MEOX1: variants seen among roughly 807,000 people sequenced by gnomAD.
MEOX1 encodes the protein mesenchyme homeobox 1.
MEOX1 carries 17 observed loss-of-function variants against 23.2 expected under a neutral mutation model. The observed-to-expected ratio is 0.73, with a 90% CI of 0.50 to 1.10. The LOEUF (loss-of-function observed/expected upper bound fraction) is 1.10, where lower values mean the gene tolerates loss of function less well. Among genes scored for constraint, MEOX1 ranks in the 50% least tolerant of loss-of-function variants. The pLI, the probability that MEOX1 is intolerant of heterozygous loss-of-function variation, is 0.00. For synonymous variants in MEOX1, 134 were observed against 135.1 expected, an observed-to-expected ratio of 0.99 and a Z score of 0.06; for missense variants, 333 against 332.2, an observed-to-expected ratio of 1.00 and a Z score of -0.02.
chr17:43,658,105 A>C (rs947748023), intron 1 of MEOX1, among the ~76,000 whole-genome samples: 7 of 152,380 alleles, frequency 4.6e-5, no homozygotes, highest in Middle Eastern at 3.4e-3. Context: ...GGCTGGGAAG[A>C]ACTATGGAAA....
Position 43,650,533 on chromosome 17 carries a change from G to A in MEOX1, c.470-6873C>T, listed in dbSNP as rs533341870. Among the ~76,000 whole-genome samples, 3 of 152,288 alleles carry A rather than the reference G, an allele frequency of 2.0e-5. No homozygotes were observed. In the South Asian group the frequency reaches 6.2e-4, roughly 32 times the overall value. ...TATAGCCTCATGTCACGCTGCCCTC[G>A]GGGGAGGATGAGTATGGAGGCTGTG... is the stretch of plus-strand genomic sequence containing the variant. On this transcript the variant is annotated intron_variant, in intron 1 of 2. Coordinates refer to ENST00000318579, the MANE Select transcript of MEOX1 (RefSeq NM_004527.4).
intron 1 of MEOX1, among the ~76,000 whole-genome samples, chr17:43,653,870 G>A (rs1231131924): frequency 1.3e-5 from 2 of 152,118 alleles, no homozygotes; most frequent in Non-Finnish European, 2.9e-5. Flanking sequence ...GGATCTGCTT[G>A]TGGCTAGAAA....
chr17:43,643,708 C>G, intron 1 of MEOX1, 48 bp from the exon 2 acceptor site: 1 of 1,513,426 alleles, frequency 6.6e-7, no homozygotes, highest in Non-Finnish European at 9.0e-7. Context: ...GAGGGAGACT[C>G]CATTCCCTTT....
At chr17:43,657,885 C>T (rs1973068317) in intron 1 of MEOX1, among the ~76,000 whole-genome samples, 1 of 152,188 alleles carries the variant, frequency 6.6e-6, no homozygotes, top group Non-Finnish European at 1.5e-5. Context: ...CCATTTACAG[C>T]TGCTATTTAT....
chr17:43,645,635 G>A (rs545550127), intron 1 of MEOX1, among the ~76,000 whole-genome samples: 5 of 152,334 alleles, frequency 3.3e-5, no homozygotes, highest in African/African-American at 1.2e-4. Flanking sequence ...CCGGGTCTAA[G>A]CTACCTGGGG....
intron 2 of MEOX1, 130 bp downstream of exon 2, chr17:43,643,358 G>A: frequency 1.2e-6 from 1 of 812,516 alleles, no homozygotes. Context: ...TCTCAGGTGT[G>A]GCCACAGTTG....
Position 43,641,715 on chromosome 17 carries a change from T to C in MEOX1, c.*195A>G. On this transcript the variant is annotated 3_prime_UTR_variant, in exon 3 of 3. Coordinates refer to ENST00000318579, the MANE Select transcript of MEOX1 (RefSeq NM_004527.4). ...GGAGCAAAGGCCCTAGGGAAGAGGC[T>C]GCTAAGAGGCTGGACAGAACTTCCT... 1.8e-6 allele frequency: 1 copy of C among 565,240 alleles called. No homozygotes were observed. Among genetic ancestry groups the C allele is most frequent in the South Asian group, 2.4e-5 (1 of 41,784 alleles). The allele number at this position is 565,240 out of a possible 1,614,324, so 35.0% of individuals were successfully genotyped here.
intron 1 of MEOX1, among the ~76,000 whole-genome samples, chr17:43,656,695 C>G (rs769141115): frequency 1.3e-5 from 2 of 152,156 alleles, no homozygotes; most frequent in African/African-American, 2.4e-5. Context: ...GGCGGGCGAT[C>G]GGATTCACCT....
chr17:43,659,786 TCAGTA>T (rs1973105439), intron 1 of MEOX1, among the ~76,000 whole-genome samples: 1 of 152,172 alleles, frequency 6.6e-6, no homozygotes, highest in Non-Finnish European at 1.5e-5. Context: ...AGAGCTGACG[TCAGTA>T]TCCCATGGCA....
chr17:43,660,675 G>A (rs1284493992), intron 1 of MEOX1, among the ~76,000 whole-genome samples: 1 of 152,214 alleles, frequency 6.6e-6, no homozygotes, highest in East Asian at 1.9e-4. Context: ...GAGCCCTGTG[G>A]CTCTAGGACC....
chr17:43,653,274 G>C (rs554148449), intron 1 of MEOX1, among the ~76,000 whole-genome samples: 3 of 151,814 alleles, frequency 2.0e-5, no homozygotes, highest in Non-Finnish European at 4.4e-5. Flanking sequence ...TGATTAGCTG[G>C]GACTACAGGT....
intron 1 of MEOX1, among the ~76,000 whole-genome samples, chr17:43,659,639 A>T (rs950595214): frequency 2.3e-4 from 35 of 152,170 alleles, no homozygotes; most frequent in Non-Finnish European, 5.9e-5. Context: ...GGGCAAATGG[A>T]GATGAGCTGC....
At chr17:43,648,921 C>T (rs752596887) in intron 1 of MEOX1, among the ~76,000 whole-genome samples, 10 of 152,054 alleles carry the variant, frequency 6.6e-5, no homozygotes, top group African/African-American at 1.4e-4. Flanking sequence ...GCAGACGTGT[C>T]GGAGGACCTG....
At chr17:43,643,226 T>C (rs574136475) in intron 2 of MEOX1, among the ~76,000 whole-genome samples, 4 of 151,926 alleles carry the variant, frequency 2.6e-5, no homozygotes, top group Non-Finnish European at 5.9e-5. Flanking sequence ...GCAGGAGAAT[T>C]GCTTGAACCC....
At chr17:43,651,646 G>T (rs1972918422) in intron 1 of MEOX1, among the ~76,000 whole-genome samples, 1 of 152,250 alleles carries the variant, frequency 6.6e-6, no homozygotes, top group African/African-American at 2.4e-5. Context: ...CAGAGAGGGA[G>T]TTGGGGAAAA....
intron 1 of MEOX1, among the ~76,000 whole-genome samples, chr17:43,651,196 G>T (rs1477747485): frequency 6.6e-6 from 1 of 152,138 alleles, no homozygotes; most frequent in African/African-American, 2.4e-5. Context: ...GCGGGTGCCT[G>T]TAGTCCCAGC....
intron 1 of MEOX1, among the ~76,000 whole-genome samples, chr17:43,649,986 T>C (rs1972886963): frequency 6.6e-6 from 1 of 152,224 alleles, no homozygotes; most frequent in Non-Finnish European, 1.5e-5. Context: ...CAGACAGCTT[T>C]ATCAGAGCTA....
At chr17:43,653,936 A>G (rs1972965771) in intron 1 of MEOX1, among the ~76,000 whole-genome samples, 1 of 152,192 alleles carries the variant, frequency 6.6e-6, no homozygotes, top group Non-Finnish European at 1.5e-5. Context: ...TGAGCTAGGA[A>G]AGCTCTGGGG....
At chr17:43,645,278 A>G (rs901807475) in intron 1 of MEOX1, among the ~76,000 whole-genome samples, 18 of 144,406 alleles carry the variant, frequency 1.2e-4, no homozygotes, top group Non-Finnish European at 2.2e-4. Flanking sequence ...CCGGGTTCAC[A>G]CCATTCTCCT....
Sources: gnomAD v4.1 joint callset for allele counts (sites outside exome capture counted in the v4.1 genomes callset) on GRCh38, gnomAD v4.1.1 for gene constraint, MANE v1.5 for transcripts, NCBI Gene and HGNC (gene_info 2026-07-23, HGNC 2026-07-21) for gene names.